Variants in CIBAR1 observed in about 807,000 individuals in gnomAD.
CIBAR1 encodes CBY1 interacting BAR domain containing 1, also known as CBY1-interacting BAR domain-containing protein 1.
A neutral mutation model predicts 44.0 loss-of-function variants in CIBAR1; 25 were observed. The ratio of observed to expected loss-of-function variants is 0.57; its 90% confidence interval spans 0.41 to 0.79. The LOEUF is 0.79. Ranked by LOEUF, CIBAR1 falls within the 30% of genes least tolerant of loss-of-function variation. The probability of loss-of-function intolerance (pLI) is 0.00; values close to 1 mark genes in which losing one functional copy is unlikely to be tolerated. For missense variants in CIBAR1, 278 were observed against 344.8 expected, an observed-to-expected ratio of 0.81 and a Z score of 1.53; for synonymous variants, 115 against 119.0, an observed-to-expected ratio of 0.97 and a Z score of 0.22.
At chr8:93,714,244 C>T (rs1810948170) in intron 6 of CIBAR1, among the ~76,000 whole-genome samples, 1 of 151,966 alleles carries the variant, frequency 6.6e-6, no homozygotes, top group South Asian at 2.1e-4. Context: ...GATTTGTTTT[C>T]CTAATTTCAT....
chr8:93,727,983 C>T (rs1212802259), intron 8 of CIBAR1, among the ~76,000 whole-genome samples: 1 of 151,876 alleles, frequency 6.6e-6, no homozygotes, highest in Non-Finnish European at 1.5e-5. Flanking sequence ...CAACTAAAAT[C>T]AAATGGCTAA....
chr8:93,727,631 A>G (rs1459338964), intron 8 of CIBAR1, among the ~76,000 whole-genome samples: 3 of 152,206 alleles, frequency 2.0e-5, no homozygotes, highest in Non-Finnish European at 4.4e-5. Flanking sequence ...TAGCACACAT[A>G]AACACACAGC....
intron 6 of CIBAR1, among the ~76,000 whole-genome samples, chr8:93,712,611 G>A (rs983057979): frequency 2.6e-5 from 4 of 152,178 alleles, no homozygotes; most frequent in Admixed American, 6.5e-5. Context: ...ATTTGAGGAA[G>A]TGCCAGACCA....
intron 6 of CIBAR1, among the ~76,000 whole-genome samples, chr8:93,712,441 C>A (rs1298818248): frequency 6.6e-6 from 1 of 152,162 alleles, no homozygotes; most frequent in Non-Finnish European, 1.5e-5. Flanking sequence ...ATTTTGTTTA[C>A]TCATTTCATG....
At chr8:93,718,594 G>C in intron 6 of CIBAR1, 81 bp from the exon 7 acceptor site, 1 of 710,864 alleles carries the variant, frequency 1.4e-6, no homozygotes, top group Non-Finnish European at 2.3e-6. Context: ...AAAATACCAA[G>C]ACTATAGTGA....
Position 93,718,814 on chromosome 8 carries a change from G to A in CIBAR1, c.657+26G>A, listed in dbSNP as rs1811132177. The A allele has an allele frequency of 3.1e-6, 4 of 1,277,550 alleles. No homozygotes were observed. The East Asian group carries it at 1.0e-4, about 32-fold the overall frequency. The allele number at this position is 1,277,550 out of a possible 1,614,324, so 79.1% of individuals were successfully genotyped here. A position where few individuals can be genotyped will look rare whatever the true frequency, so the allele number is the denominator to read the frequency against. ...GTAGGACTATGTCTATCTAAGCTCA[G>A]TTCTTCTGTTAATGTGGAAATATTT... On this transcript the variant is annotated intron_variant, in intron 7 of 8. Coordinates refer to ENST00000518322, the MANE Select transcript of CIBAR1 (RefSeq NM_145269.5).
At chr8:93,701,035 G>A in intron 1 of CIBAR1, 189 bp from the exon 2 acceptor site, 1 of 1,445,492 alleles carries the variant, frequency 6.9e-7, no homozygotes, top group Non-Finnish European at 9.1e-7. Flanking sequence ...CTTTTCCTGT[G>A]CCTACACAGT....
At chr8:93,725,014 A>C (rs977454602) in intron 7 of CIBAR1, among the ~76,000 whole-genome samples, 3 of 152,024 alleles carry the variant, frequency 2.0e-5, no homozygotes, top group African/African-American at 4.8e-5. Flanking sequence ...GTCTCACTCT[A>C]TTGCCCAGGA....
chr8:93,719,668 T>C (rs1437636448), intron 7 of CIBAR1: 1 of 152,264 alleles, frequency 6.6e-6, no homozygotes, highest in Non-Finnish European at 1.5e-5. Context: ...TGCTTTATGC[T>C]GATGGTTTTA....
Position 93,728,361 on chromosome 8 carries a change from T to C in CIBAR1, c.*64T>C. On this transcript the variant is annotated 3_prime_UTR_variant, in exon 9 of 9. Coordinates refer to ENST00000518322, the MANE Select transcript of CIBAR1 (RefSeq NM_145269.5). ...CCACAATGACTAAATTGTAGAACTTTATACTCACTTTGCTATGTTAAGCCT... is the reference window on the plus strand; with the variant it reads ...CCACAATGACTAAATTGTAGAACTTCATACTCACTTTGCTATGTTAAGCCT... 9.5e-7 allele frequency: 1 copy of C among 1,058,134 alleles called. No homozygotes were observed. Among genetic ancestry groups the C allele is most frequent in the Non-Finnish European group, 1.4e-6 (1 of 722,836 alleles). The allele number at this position is 1,058,134 out of a possible 1,614,324, so 65.5% of individuals were successfully genotyped here. A position where few individuals can be genotyped will look rare whatever the true frequency, so the allele number is the denominator to read the frequency against.
At chr8:93,707,556 A>C (rs1810647289) in intron 4 of CIBAR1, among the ~76,000 whole-genome samples, 4 of 152,232 alleles carry the variant, frequency 2.6e-5, no homozygotes, top group African/African-American at 7.2e-5. Flanking sequence ...AGTCTGCTTG[A>C]ATATTCTCAT....
intron 7 of CIBAR1, among the ~76,000 whole-genome samples, chr8:93,725,039 G>A (rs1160929493): frequency 2.6e-5 from 4 of 152,072 alleles, no homozygotes; most frequent in African/African-American, 7.2e-5. Context: ...GTGCAGTGGC[G>A]TGTTGTGATC....
At chr8:93,712,555 AC>A (rs1458592658) in intron 6 of CIBAR1, among the ~76,000 whole-genome samples, 1 of 152,204 alleles carries the variant, frequency 6.6e-6, no homozygotes, top group African/African-American at 2.4e-5. Context: ...TTGGATATAT[AC>A]CCAGGAGTGG....
At chr8:93,704,272 T>G (rs1308574743) in intron 3 of CIBAR1, among the ~76,000 whole-genome samples, 2 of 152,178 alleles carry the variant, frequency 1.3e-5, no homozygotes, top group Non-Finnish European at 2.9e-5. Flanking sequence ...AAGTTTTTCT[T>G]TAAAGCGATA....
intron 1 of CIBAR1, chr8:93,700,917 C>CG (rs1461528391): frequency 1.5e-6 from 2 of 1,346,460 alleles, no homozygotes; most frequent in African/African-American, 3.1e-5. Flanking sequence ...CCCACACTGC[C>CG]GCGGGCAGTG....
chr8:93,727,191 C>T, intron 8 of CIBAR1: 1 of 1,288,632 alleles, frequency 7.8e-7, no homozygotes, highest in South Asian at 1.2e-5. Flanking sequence ...CTTTTCATAT[C>T]TAGCCTTCAG....
At chr8:93,726,272 G>T in intron 7 of CIBAR1, 122 bp from the exon 8 acceptor site, 7 of 769,292 alleles carry the variant, frequency 9.1e-6, no homozygotes, top group South Asian at 6.5e-5. Flanking sequence ...TACAATAATT[G>T]GAATTTTGTC....
In CIBAR1 at chr8:93,728,371, T is replaced by G; in HGVS notation, c.*74T>G. 1.0e-6 allele frequency: 1 copy of G among 992,406 alleles called. No individual in the cohort carries two copies. Among genetic ancestry groups the G allele is most frequent in the Non-Finnish European group, 1.5e-6 (1 of 675,820 alleles). 61.5% of individuals were successfully genotyped at this position (992,406 alleles called of 1,614,324 possible). On this transcript the variant is annotated 3_prime_UTR_variant, in exon 9 of 9. Transcript: ENST00000518322. ...TAAATTGTAGAACTTTATACTCACT[T>G]TGCTATGTTAAGCCTCAAAGTGAAG...
intron 2 of CIBAR1, 52 bp from the exon 3 acceptor site, chr8:93,703,568 A>G (rs889603827): frequency 1.2e-5 from 13 of 1,092,080 alleles, no homozygotes; most frequent in African/African-American, 1.6e-5. Flanking sequence ...CCTTTTATTT[A>G]TAGGTTAAAA....
Sources: allele counts gnomAD v4.1 joint callset (sites outside exome capture counted in the v4.1 genomes callset), GRCh38; gene constraint gnomAD v4.1.1; transcripts MANE v1.5; gene names NCBI Gene and HGNC (gene_info 2026-07-23, HGNC 2026-07-21).